The following GNB4 variants were observed in gnomAD, a reference collection of about 807,000 sequenced individuals.
GNB4 encodes the protein guanine nucleotide-binding protein subunit beta-4.
Under a neutral mutation model 45.2 loss-of-function variants are expected in GNB4, and 28 were observed. That is an observed-to-expected ratio of 0.62 (90% CI 0.46 to 0.85). The LOEUF (loss-of-function observed/expected upper bound fraction) is 0.85, where lower values mean the gene tolerates loss of function less well. GNB4 is among the 40% of genes least tolerant of loss of function. GNB4 has a pLI of 0.00. For synonymous variants in GNB4, 132 were observed against 143.7 expected (o/e 0.92, Z 0.58); for missense variants, 321 against 425.4 (o/e 0.75, Z 2.16).
chr3:179,526,007 A>C, the GNB4 span, among the ~76,000 whole-genome samples: 6 of 152,344 alleles, frequency 3.9e-5, no homozygotes, highest in African/African-American at 1.4e-4. Context: ...TTGTGTGAGC[A>C]ACAAGGCTGT....
In GNB4 at chr3:179,413,443, G is replaced by A. The variant is rs144385061; in HGVS notation, c.668C>T (p.Thr223Met). 153 of 1,613,838 alleles carry A rather than the reference G, an allele frequency of 9.5e-5. No individual in the cohort carries two copies. In the African/African-American group the frequency reaches 1.7e-3, roughly 18 times the overall value. The change falls in exon 8 of 10, where the codon ACG (threonine) becomes ATG (methionine). Residue 223 changes from threonine (T) to methionine (M), a missense_variant. By Grantham distance (81) the Thr-to-Met change is moderately conservative. Coordinates refer to ENST00000232564, the MANE Select transcript of GNB4 (RefSeq NM_021629.4). ...AGCATTGATATCTGAGACATGTCCC[G>A]TGAAAGACTGTCTACACATTCCATC... The part of the protein sequence containing the change: ...IRDGMCRQSF[T>M]GHVSDINAVS...
the GNB4 span, among the ~76,000 whole-genome samples, chr3:179,476,033 C>T: frequency 6.6e-6 from 1 of 152,154 alleles, no homozygotes; most frequent in African/African-American, 2.4e-5. Flanking sequence ...GTTCTAGTAC[C>T]AGCTCAAAAG....
At chr3:179,516,448 A>C in the GNB4 span, among the ~76,000 whole-genome samples, 1,485 of 152,328 alleles carry the variant, frequency 9.7e-3, 26 homozygotes, top group African/African-American at 0.033. Context: ...TTTCTGACTC[A>C]GGGAATGTGA....
the GNB4 span, among the ~76,000 whole-genome samples, chr3:179,491,007 A>G: frequency 4.6e-5 from 7 of 152,232 alleles, no homozygotes; most frequent in Non-Finnish European, 7.3e-5. Flanking sequence ...AAAAAAGACG[A>G]TCAATGGATG....
the GNB4 span, among the ~76,000 whole-genome samples, chr3:179,504,396 T>G: frequency 2.3e-4 from 35 of 152,196 alleles, no homozygotes; most frequent in Non-Finnish European, 4.4e-4. Flanking sequence ...ATCCAGTGTT[T>G]AGGACCTGCT....
chr3:179,415,044 G>C lies in GNB4; in HGVS notation c.271C>G (p.His91Asp). 6.3e-7 allele frequency: 1 copy of C among 1,588,960 alleles called. No individual in the cohort carries two copies. The highest frequency in any genetic ancestry group is 8.6e-7 in the Non-Finnish European group (1 of 1,162,242). Residue 91 changes from histidine (H) to aspartate (D), a missense_variant, in exon 6 of 10, where the codon CAT becomes GAT. Coordinates refer to ENST00000232564, the MANE Select transcript of GNB4 (RefSeq NM_021629.4). Reference protein sequence around the residue: ...IWDSYTTNKMHAIPLRSSWVM... With the variant: ...IWDSYTTNKMDAIPLRSSWVM... The stretch of plus-strand genomic sequence containing the variant: ...CAGGAGGACCTCAAAGGAATAGCAT[G>C]CATCTGTAGGGCACACACCACACAT...
intron 9 of GNB4, 88 bp from the exon 10 acceptor site, chr3:179,401,407 A>G: frequency 1.6e-6 from 1 of 612,188 alleles, no homozygotes; most frequent in Non-Finnish European, 2.8e-6. Context: ...GTGCTTATAA[A>G]CTATCAGTCC....
intron 9 of GNB4, among the ~76,000 whole-genome samples, chr3:179,403,806 A>AAAT (rs1560209025): frequency 1.3e-5 from 2 of 150,446 alleles, no homozygotes; most frequent in Non-Finnish European, 3.0e-5. Context: ...TCAAAAAAAT[A>AAAT]AAATAAAATA....
chr3:179,476,275 T>C, the GNB4 span, among the ~76,000 whole-genome samples: 1 of 152,180 alleles, frequency 6.6e-6, no homozygotes, highest in Non-Finnish European at 1.5e-5. Context: ...GAAAACAACA[T>C]TAAGTCTTAA....
At chr3:179,456,935 A>G in the GNB4 span, among the ~76,000 whole-genome samples, 1 of 152,346 alleles carries the variant, frequency 6.6e-6, no homozygotes, top group East Asian at 1.9e-4. Context: ...TTTGGCAAAT[A>G]GTTTTCTGAT....
chr3:179,466,769 C>G, the GNB4 span, among the ~76,000 whole-genome samples: 1 of 152,220 alleles, frequency 6.6e-6, no homozygotes, highest in Middle Eastern at 3.4e-3. Context: ...TGTGTATATA[C>G]AAAATATACA....
At chr3:179,459,586 G>A in the GNB4 span, among the ~76,000 whole-genome samples, 1 of 152,050 alleles carries the variant, frequency 6.6e-6, no homozygotes, top group African/African-American at 2.4e-5. Context: ...GGAGGCTGAG[G>A]CAGGAGAATC....
chr3:179,410,823 C>G (rs1269786251), intron 8 of GNB4, among the ~76,000 whole-genome samples: 4 of 152,022 alleles, frequency 2.6e-5, no homozygotes, highest in Admixed American at 6.6e-5. Context: ...TAAATGAGAG[C>G]AGGATATCCT....
chr3:179,509,629 T>G, the GNB4 span, among the ~76,000 whole-genome samples: 1 of 150,356 alleles, frequency 6.7e-6, no homozygotes, highest in Non-Finnish European at 1.5e-5. Context: ...TGGCCTCCAT[T>G]CACCCTTTGG....
chr3:179,460,961 T>C, the GNB4 span, among the ~76,000 whole-genome samples: 11 of 152,334 alleles, frequency 7.2e-5, no homozygotes, highest in East Asian at 1.9e-3. Flanking sequence ...AAATCAATGG[T>C]CACCATCGAC....
At chr3:179,417,419 T>C (rs1380515306) in intron 4 of GNB4, among the ~76,000 whole-genome samples, 1 of 151,932 alleles carries the variant, frequency 6.6e-6, no homozygotes, top group Non-Finnish European at 1.5e-5. Flanking sequence ...ATTTTTTTTT[T>C]TTTTTTGAGA....
At chr3:179,472,720 A>G in the GNB4 span, among the ~76,000 whole-genome samples, 3 of 152,200 alleles carry the variant, frequency 2.0e-5, no homozygotes, top group Non-Finnish European at 4.4e-5. Flanking sequence ...ACCAAAATAT[A>G]TAGTTGGTAC....
Position 179,418,692 on chromosome 3 carries a change from T to C in GNB4, c.203+707A>G, listed in dbSNP as rs79074433. 1.4e-3 allele frequency among the ~76,000 whole-genome samples: 211 copies of C among 152,328 alleles called. 1 individual carries two copies. Among genetic ancestry groups the C allele is most frequent in the African/African-American group, 4.4e-3 (181 of 41,582 alleles). On this transcript the variant is annotated intron_variant, in intron 4 of 9. Transcript: ENST00000232564. ...TAAATGTGCAACTTCTATTAAAACA[T>C]AGAAGTTTCTTGGTTTAGGCATTTC...
chr3:179,443,488 G>A (rs111490367), intron 1 of GNB4, among the ~76,000 whole-genome samples: 2,169 of 150,762 alleles, frequency 0.014, 33 homozygotes, highest in South Asian at 0.058. Context: ...GCAGTGAGCC[G>A]AGATCTCACC....
Sources: allele counts gnomAD v4.1 joint callset (sites outside exome capture counted in the v4.1 genomes callset), GRCh38; gene constraint gnomAD v4.1.1; transcripts MANE v1.5; gene names NCBI Gene and HGNC (gene_info 2026-07-23, HGNC 2026-07-21).